The following DCTD variants were observed in gnomAD, a reference collection of about 807,000 sequenced individuals.
DCTD encodes the protein dCMP deaminase.
DCTD carries 23 observed loss-of-function variants against 21.0 expected under a neutral mutation model. The observed-to-expected ratio is 1.09, with a 90% CI of 0.79 to 1.55. DCTD has a LOEUF of 1.55. DCTD is among the 40% of genes most tolerant of loss of function. DCTD has a pLI of 0.00. For missense variants in DCTD, 224 were observed against 230.0 expected (o/e 0.97, Z 0.17); for synonymous variants, 71 against 81.1 (o/e 0.88, Z 0.67).
chr4:182,905,390 G>A (rs147875301), intron 3 of DCTD, among the ~76,000 whole-genome samples: 1,521 of 146,688 alleles, frequency 0.01, 29 homozygotes, highest in African/African-American at 0.035. Context: ...GTGCAATGGC[G>A]CGATCTCGGC....
intron 3 of DCTD, among the ~76,000 whole-genome samples, chr4:182,906,081 C>T (rs952539243): frequency 1.1e-4 from 16 of 152,244 alleles, no homozygotes; most frequent in African/African-American, 3.9e-4. Context: ...CACGTCACCT[C>T]CCGGCTGGCG....
intron 1 of DCTD, chr4:182,915,798 C>T (rs1738626068): frequency 9.7e-7 from 1 of 1,028,268 alleles, no homozygotes; most frequent in Non-Finnish European, 1.3e-6. Flanking sequence ...AAACCTATAG[C>T]TTCACGTTCC....
At chr4:182,897,814 C>CA (rs1735016871) in intron 3 of DCTD, among the ~76,000 whole-genome samples, 1 of 152,224 alleles carries the variant, frequency 6.6e-6, no homozygotes, top group South Asian at 2.1e-4. Flanking sequence ...CCTGAGGCCG[C>CA]AACCCAGCCC....
rs1733722004 is a variant in DCTD, at chr4:182,891,419, G to C, written c.517C>G (p.Pro173Ala). Residue 173 changes from proline to alanine, a missense_variant, in exon 6 of 6, where the codon CCG becomes GCG. Pro to Ala is a conservative substitution (Grantham distance 27, BLOSUM62 -1). Coordinates refer to ENST00000438320, the MANE Select transcript of DCTD (RefSeq NM_001921.3). The part of the protein sequence containing the change: ...VIDFDSINSR[P>A]SQKLQ ...GTAACTCACTGAAGCTTTTGACTCG[G>C]TCTGCTGTTAATTGAATCAAAGTCA... 6.2e-7 allele frequency: 1 copy of C among 1,610,890 alleles called. No individual in the cohort carries two copies. Among genetic ancestry groups the C allele is most frequent in the African/African-American group, 1.3e-5 (1 of 74,850 alleles).
intron 5 of DCTD, among the ~76,000 whole-genome samples, chr4:182,891,729 G>C (rs1733790056): frequency 6.6e-6 from 1 of 152,090 alleles, no homozygotes; most frequent in Non-Finnish European, 1.5e-5. Context: ...GAATTATTGG[G>C]GAGTCAAAGG....
chr4:182,902,831 A>C (rs1222560370), intron 3 of DCTD, among the ~76,000 whole-genome samples: 2 of 152,210 alleles, frequency 1.3e-5, no homozygotes, highest in Admixed American at 6.5e-5. Context: ...GCCCGAGTGC[A>C]AGCTAAAGCA....
chr4:182,897,992 A>C lies in DCTD; in HGVS notation c.245-3387T>G, dbSNP rs140612112. Among the ~76,000 whole-genome samples the C allele has an allele frequency of 9.9e-5, 15 of 152,266 alleles. No individual in the cohort carries two copies. The East Asian group carries it at 2.9e-3, about 29-fold the overall frequency. The stretch of plus-strand genomic sequence containing the variant: ...CTCCTTTTGGGCCTGTCCTGAGGAG[A>C]CAGGACTCAGCCAGGCCTCAGCCCC... On this transcript the variant is annotated intron_variant, in intron 3 of 5. Transcript: ENST00000438320.
chr4:182,900,063 C>A (rs965394192), intron 3 of DCTD, among the ~76,000 whole-genome samples: 2 of 152,082 alleles, frequency 1.3e-5, no homozygotes, highest in Non-Finnish European at 1.5e-5. Context: ...GCCTGTAATC[C>A]CAGCACTTTG....
chr4:182,915,181 G>T, intron 2 of DCTD, 123 bp from the exon 3 acceptor site: 1 of 1,274,464 alleles, frequency 7.8e-7, no homozygotes, highest in Non-Finnish European at 1.1e-6. Flanking sequence ...TGCAGGTGCT[G>T]AGAGCTGTCG....
intron 2 of DCTD, 133 bp from the exon 3 acceptor site, chr4:182,915,191 G>C: frequency 8.4e-7 from 1 of 1,195,244 alleles, no homozygotes; most frequent in African/African-American, 1.5e-5. Context: ...GAGAGCTGTC[G>C]GTCTCCTTGC....
At chr4:182,891,622 T>C in intron 5 of DCTD, 145 bp from the exon 6 acceptor site, 1 of 618,628 alleles carries the variant, frequency 1.6e-6, no homozygotes, top group Admixed American at 2.7e-5. Context: ...CCAATTATAG[T>C]GCACCATACC....
At chr4:182,906,177 C>T (rs922480849) in intron 3 of DCTD, among the ~76,000 whole-genome samples, 2 of 151,842 alleles carry the variant, frequency 1.3e-5, no homozygotes, top group Non-Finnish European at 2.9e-5. Flanking sequence ...TAACAAATAT[C>T]ATAAATTTGT....
At chr4:182,916,761 G>A (rs1015390511) in intron 1 of DCTD, 2 of 1,115,142 alleles carry the variant, frequency 1.8e-6, no homozygotes, top group South Asian at 1.9e-5. Context: ...GGGGGGCGAG[G>A]GAAGAGCAGG....
At chr4:182,909,256 T>C (rs1737263994) in intron 3 of DCTD, among the ~76,000 whole-genome samples, 1 of 152,220 alleles carries the variant, frequency 6.6e-6, no homozygotes, top group Non-Finnish European at 1.5e-5. Context: ...AAGTAAAACA[T>C]GCTTACATGG....
At chr4:182,907,402 T>C (rs1362761010) in intron 3 of DCTD, among the ~76,000 whole-genome samples, 1 of 152,238 alleles carries the variant, frequency 6.6e-6, no homozygotes, top group African/African-American at 2.4e-5. Context: ...CTTCCCAACG[T>C]GCTGGGATTA....
chr4:182,893,793 C>T (rs994685479), intron 4 of DCTD, among the ~76,000 whole-genome samples: 1 of 152,240 alleles, frequency 6.6e-6, no homozygotes, highest in Non-Finnish European at 1.5e-5. Flanking sequence ...AGGGAGCCCA[C>T]GCGACTCCTC....
rs111776416 is a variant in DCTD at position 182,892,465 on chromosome 4, A to G, written c.458+566T>C. Among the ~76,000 whole-genome samples, 143 of 152,266 alleles carry G rather than the reference A, an allele frequency of 9.4e-4. 1 individual carries two copies. The highest frequency in any genetic ancestry group is 3.2e-3 in the African/African-American group (134 of 41,550). On this transcript the variant is annotated intron_variant, in intron 5 of 5. Transcript: ENST00000438320. ...GGCAGCTCATGAGGTCATCCTGGCCAACATGGTGAAACCCCGTCTCTACTG... is the reference window on the plus strand; with the variant it reads ...GGCAGCTCATGAGGTCATCCTGGCCGACATGGTGAAACCCCGTCTCTACTG...
intron 4 of DCTD, among the ~76,000 whole-genome samples, chr4:182,893,468 A>G (rs1367874873): frequency 6.6e-6 from 1 of 152,200 alleles, no homozygotes; most frequent in Non-Finnish European, 1.5e-5. Flanking sequence ...TAGTGGGAGG[A>G]CTAATGGAGG....
At position 182,916,987 on chromosome 4, in the gene DCTD, C is replaced by A. The variant is rs990758894; in HGVS notation, c.-8+324G>T. 3 of 990,506 alleles carry A rather than the reference C, an allele frequency of 3.0e-6. No individual in the cohort carries two copies. In the African/African-American group the frequency reaches 5.2e-5, roughly 17 times the overall value. The allele number at this position is 990,506 out of a possible 1,614,324, so 61.4% of individuals were successfully genotyped here. A position where few individuals can be genotyped will look rare whatever the true frequency, so the allele number is the denominator to read the frequency against. On this transcript the variant is annotated intron_variant, in intron 1 of 5. Coordinates refer to ENST00000438320, the MANE Select transcript of DCTD (RefSeq NM_001921.3). ...GATCCAGGGCCTACACCCGGCATTC[C>A]CAACCCACACACGGGCGCAGGAAGG...
Sources: allele counts gnomAD v4.1 joint callset (sites outside exome capture counted in the v4.1 genomes callset), GRCh38; gene constraint gnomAD v4.1.1; transcripts MANE v1.5; gene names NCBI Gene and HGNC (gene_info 2026-07-23, HGNC 2026-07-21).